The following OSBPL8 variants were observed in gnomAD, a reference collection of about 807,000 sequenced individuals.
OSBPL8 encodes the protein oxysterol binding protein like 8.
In OSBPL8, 59 loss-of-function variants were observed where a neutral mutation model predicts 125.5. The observed-to-expected ratio is 0.47, with a 90% CI of 0.38 to 0.58. The LOEUF (loss-of-function observed/expected upper bound fraction) is 0.58. OSBPL8 is among the 20% of genes least tolerant of loss of function. OSBPL8 has a pLI of 0.00. For synonymous variants in OSBPL8, 330 were observed against 338.9 expected (o/e 0.97, Z 0.29); for missense variants, 758 against 1,047.8 (o/e 0.72, Z 3.82).
chr12:76,386,536 C>T, intron 13 of OSBPL8, 43 bp downstream of exon 13: 1 of 1,493,166 alleles, frequency 6.7e-7, no homozygotes, highest in Non-Finnish European at 9.1e-7. Flanking sequence ...ATAAAGAATT[C>T]ATAAAACACT....
At chr12:76,514,454 C>A (rs1382931602) in intron 1 of OSBPL8, among the ~76,000 whole-genome samples, 2 of 151,980 alleles carry the variant, frequency 1.3e-5, no homozygotes, top group Non-Finnish European at 2.9e-5. Flanking sequence ...AAATGAAATT[C>A]TTTGTTGAAC....
At chr12:76,553,079 C>T (rs1950989719) in intron 1 of OSBPL8, among the ~76,000 whole-genome samples, 1 of 152,150 alleles carries the variant, frequency 6.6e-6, no homozygotes, top group South Asian at 2.1e-4. Flanking sequence ...GAACAATGTA[C>T]CTGTGCCCTC....
intron 2 of OSBPL8, among the ~76,000 whole-genome samples, chr12:76,482,967 A>C (rs1877687585): frequency 2.6e-5 from 4 of 152,112 alleles, no homozygotes; most frequent in Admixed American, 2.6e-4. Context: ...TGTTTTAAAA[A>C]TATATAGTAT....
At chr12:76,536,290 C>G (rs1950495535) in intron 1 of OSBPL8, among the ~76,000 whole-genome samples, 1 of 151,858 alleles carries the variant, frequency 6.6e-6, no homozygotes, top group African/African-American at 2.4e-5. Flanking sequence ...AGTTAGAGAC[C>G]TGCCTGGCCA....
At chr12:76,483,125 T>C (rs1877716772) in intron 2 of OSBPL8, among the ~76,000 whole-genome samples, 1 of 151,888 alleles carries the variant, frequency 6.6e-6, no homozygotes, top group Non-Finnish European at 1.5e-5. Flanking sequence ...CCAGGCATGG[T>C]GGCGCTCGCC....
At chr12:76,549,393 G>A (rs1950874202) in intron 1 of OSBPL8, among the ~76,000 whole-genome samples, 1 of 152,162 alleles carries the variant, frequency 6.6e-6, no homozygotes, top group South Asian at 2.1e-4. Context: ...ACCTTAAAAG[G>A]ATAGTGAATC....
intron 1 of OSBPL8, among the ~76,000 whole-genome samples, chr12:76,499,270 G>A (rs1879613276): frequency 6.6e-6 from 1 of 151,614 alleles, no homozygotes; most frequent in Non-Finnish European, 1.5e-5. Flanking sequence ...CCTGTTGTGG[G>A]ACCTTGTGAT....
intron 4 of OSBPL8, among the ~76,000 whole-genome samples, chr12:76,445,534 CAA>C (rs1337122352): frequency 2.0e-5 from 3 of 151,906 alleles, no homozygotes; most frequent in African/African-American, 7.3e-5. Context: ...ATAATACAAA[CAA>C]GACAATTTTC....
At chr12:76,512,970 C>A (rs779071508) in intron 1 of OSBPL8, among the ~76,000 whole-genome samples, 12 of 152,152 alleles carry the variant, frequency 7.9e-5, no homozygotes, top group Non-Finnish European at 1.6e-4. Context: ...ACTGATGTGG[C>A]TCTTGGCTTG....
intron 4 of OSBPL8, among the ~76,000 whole-genome samples, chr12:76,437,921 G>A (rs956150939): frequency 2.6e-5 from 4 of 152,032 alleles, no homozygotes; most frequent in Non-Finnish European, 5.9e-5. Flanking sequence ...ATCACATTTT[G>A]CTAACCACTT....
rs550187038 is a variant in OSBPL8 at position 76,436,621 on chromosome 12, A to G, written c.217+14230T>C. Among the ~76,000 whole-genome samples, 27 of 152,290 alleles carry G rather than the reference A, an allele frequency of 1.8e-4. 1 individual carries two copies. The South Asian group carries it at 5.4e-3, about 30-fold the overall frequency. On this transcript the variant is annotated intron_variant, in intron 4 of 23. Transcript: ENST00000261183. Reference sequence around the variant, plus strand: ...AACTATAATCTTATAATAAAGGACAATGTTTTGAATTGAAGGAACTTAACT... The same window carrying G: ...AACTATAATCTTATAATAAAGGACAGTGTTTTGAATTGAAGGAACTTAACT...
At chr12:76,557,258 A>G (rs755200020) in intron 1 of OSBPL8, among the ~76,000 whole-genome samples, 5 of 152,216 alleles carry the variant, frequency 3.3e-5, no homozygotes, top group Non-Finnish European at 5.9e-5. Context: ...TTGAAGGATT[A>G]TTTACAAACC....
intron 1 of OSBPL8, among the ~76,000 whole-genome samples, chr12:76,500,982 T>C (rs933877305): frequency 6.6e-6 from 1 of 152,226 alleles, no homozygotes; most frequent in Non-Finnish European, 1.5e-5. Flanking sequence ...CCCTTTTATC[T>C]GCCAGGTCCT....
intron 7 of OSBPL8, among the ~76,000 whole-genome samples, chr12:76,399,006 T>C (rs907559111): frequency 6.6e-6 from 1 of 152,192 alleles, no homozygotes; most frequent in Non-Finnish European, 1.5e-5. Flanking sequence ...AGGGCAGCTT[T>C]AACTCTGAAA....
intron 1 of OSBPL8, among the ~76,000 whole-genome samples, chr12:76,500,034 C>A (rs775644040): frequency 5.9e-5 from 9 of 152,140 alleles, no homozygotes; most frequent in Admixed American, 2.0e-4. Flanking sequence ...TTTGCCCCTG[C>A]CTTCACGCCT....
intron 1 of OSBPL8, among the ~76,000 whole-genome samples, chr12:76,529,663 G>A (rs745549589): frequency 6.6e-5 from 10 of 152,100 alleles, no homozygotes; most frequent in Admixed American, 2.6e-4. Flanking sequence ...AAGAAGACTC[G>A]AGATAAGAAT....
At chr12:76,506,834 A>G (rs910551156) in intron 1 of OSBPL8, among the ~76,000 whole-genome samples, 1 of 152,198 alleles carries the variant, frequency 6.6e-6, no homozygotes, top group East Asian at 1.9e-4. Flanking sequence ...TTTAAATGAT[A>G]ATAAATCTGA....
Position 76,355,883 on chromosome 12 carries a change from G to A in OSBPL8, c.*6C>T. The A allele has an allele frequency of 6.2e-7, 1 of 1,612,812 alleles. No individual in the cohort carries two copies. The highest frequency in any genetic ancestry group is 8.5e-7 in the Non-Finnish European group (1 of 1,179,272). ...TCTAGTTCACTGATTCAATGGTAGAGAACTTCTACTTGAACATGAAGTTTA... is the reference window on the plus strand; with the variant it reads ...TCTAGTTCACTGATTCAATGGTAGAAAACTTCTACTTGAACATGAAGTTTA... On this transcript the variant is annotated 3_prime_UTR_variant, in exon 24 of 24. Transcript: ENST00000261183.
chr12:76,505,575 G>A (rs1006009629), intron 1 of OSBPL8, among the ~76,000 whole-genome samples: 1 of 152,016 alleles, frequency 6.6e-6, no homozygotes, highest in Non-Finnish European at 1.5e-5. Flanking sequence ...CACAAAAAAA[G>A]GTAAAATTTT....
Sources: gnomAD v4.1 joint callset for allele counts (sites outside exome capture counted in the v4.1 genomes callset) on GRCh38, gnomAD v4.1.1 for gene constraint, MANE v1.5 for transcripts, NCBI Gene and HGNC (gene_info 2026-07-23, HGNC 2026-07-21) for gene names.